SCYGR6: variants seen among roughly 807,000 people sequenced by gnomAD.
SCYGR6 encodes the protein small cysteine and glycine repeat-containing protein 6.
rs556163946 is a variant in SCYGR6, at chr2:227,724,570, G to A, written c.188C>T (p.Thr63Met). The A allele has an allele frequency of 2.5e-3, 1,003 of 398,996 alleles. 5 individuals are homozygous for A. The highest frequency in any genetic ancestry group is 3.9e-3 in the Non-Finnish European group (877 of 226,428). 24.7% of individuals were successfully genotyped at this position (398,996 alleles called of 1,614,324 possible). Residue 63 changes from threonine (T) to methionine (M), a missense_variant, in exon 1 of 1, where the codon ACG (threonine) becomes ATG (methionine). Physicochemically the swap from Thr to Met is moderately conservative, Grantham distance 81. Transcript: ENST00000641918. ...GCGGCGGCAGCAACAGATCACGGGC[G>A]TGCTGCAGCAGCCTCCACAGCAGCC...
chr2:227,724,466 AGCCCTTCTGCTGACAG>A lies in SCYGR6; in HGVS notation c.276_291del (p.Cys93AlafsTer?), dbSNP rs1696522682. 2.0e-5 allele frequency: 7 copies of A among 356,480 alleles called. No homozygotes were observed. Among genetic ancestry groups the A allele is most frequent in the Non-Finnish European group, 2.8e-5 (6 of 212,112 alleles). The allele number at this position is 356,480 out of a possible 1,614,324, so 22.1% of individuals were successfully genotyped here. On this transcript the variant is annotated frameshift_variant, in exon 1 of 1. Coordinates refer to ENST00000641918, the Ensembl canonical transcript of SCYGR6. LOFTEE classifies it high-confidence loss of function. Reference sequence around the variant, plus strand: ...TAGCAGCAGCATTGCTTCTTGCAGCAGCCCTTCTGCTGACAGCAGCCCTTCTGCTGGCAACAGCCCT... The same window carrying A: ...TAGCAGCAGCATTGCTTCTTGCAGCACAGCCCTTCTGCTGGCAACAGCCCT...
rs1372501947 is a variant in SCYGR6, at chr2:227,724,686, A to ACAGCCACCACTG, written c.60_71dup (p.Ser21_Cys24dup). 1.2e-4 allele frequency: 49 copies of ACAGCCACCACTG among 409,374 alleles called. No individual in the cohort carries two copies. The East Asian group carries it at 1.6e-3, about 13-fold the overall frequency. The allele number at this position is 409,374 out of a possible 1,614,324, so 25.4% of individuals were successfully genotyped here. On this transcript the variant is annotated inframe_insertion, in exon 1 of 1. Transcript: ENST00000641918. ...CACAGCCACCACCGCAGCCACCACC[A>ACAGCCACCACTG]CAGCCACCACTGCAGCCACCACCGC...
rs1217455001 is a variant in SCYGR6, at chr2:227,724,482, GCAGCCCTTCTGCTGGCAA to G, written c.258_275del (p.Gln94_Cys99del). 2.6e-3 allele frequency: 1,028 copies of G among 392,816 alleles called. 3 individuals carry two copies. The highest frequency in any genetic ancestry group is 0.013 in the African/African-American group (603 of 44,724). 24.3% of individuals were successfully genotyped at this position (392,816 alleles called of 1,614,324 possible). On this transcript the variant is annotated inframe_deletion, in exon 1 of 1. Transcript: ENST00000641918. ...TCTTGCAGCAGCCCTTCTGCTGACA[GCAGCCCTTCTGCTGGCAA>G]CAGCCCTTCCCACAGCCACAGCCGC...
chr2:227,724,713 G>GCCACCGCAGCCA (rs1048825252), exon 1 of SCYGR6: 15 of 410,308 alleles, frequency 3.7e-5, no homozygotes, highest in Non-Finnish European at 4.7e-5. Context: ...CACCACCGCA[G>GCCACCGCAGCCA]CCACCGCAGC....
chr2:227,724,569 C>T (rs867536975), exon 1 of SCYGR6: 139 of 398,560 alleles, frequency 3.5e-4, no homozygotes, highest in African/African-American at 2.2e-3. Flanking sequence ...AGATCACGGG[C>T]GTGCTGCAGC....
chr2:227,724,513 C>T, exon 1 of SCYGR6: 1 of 395,962 alleles, frequency 2.5e-6, no homozygotes, highest in Non-Finnish European at 4.4e-6. Flanking sequence ...GCCCTTCCCA[C>T]AGCCACAGCC....
At chr2:227,724,558 C>T (rs935761795) in exon 1 of SCYGR6, 3 of 398,742 alleles carry the variant, frequency 7.5e-6, no homozygotes, top group African/African-American at 4.1e-5. Context: ...GCGGCAGCAA[C>T]AGATCACGGG....
rs1696530821 is a variant in SCYGR6, at chr2:227,724,695, A to AC, written c.62dup (p.Ser21ArgfsTer?). On this transcript the variant is annotated frameshift_variant, in exon 1 of 1. Coordinates refer to ENST00000641918, the Ensembl canonical transcript of SCYGR6. LOFTEE classifies it low-confidence loss of function (END_TRUNC). ...CACCGCAGCCACCACCACAGCCACC[A>AC]CTGCAGCCACCACCGCAGCCACCGC... is the stretch of plus-strand genomic sequence containing the variant. 2 of 411,076 alleles carry AC rather than the reference A, an allele frequency of 4.9e-6. No individual in the cohort carries two copies. Among genetic ancestry groups the AC allele is most frequent in the African/African-American group, 4.1e-5 (2 of 48,548 alleles). 25.5% of individuals were successfully genotyped at this position (411,076 alleles called of 1,614,324 possible).
exon 1 of SCYGR6, chr2:227,724,504 C>A (rs1273402745): frequency 2.0e-5 from 8 of 398,836 alleles, no homozygotes; most frequent in Non-Finnish European, 3.5e-5. Flanking sequence ...CTGGCAACAG[C>A]CCTTCCCACA....
chr2:227,724,577 A>G lies in SCYGR6; in HGVS notation c.181T>C (p.Cys61Arg), dbSNP rs1696527553. The change falls in exon 1 of 1, where the codon TGC becomes CGC. Residue 61 changes from cysteine to arginine, a missense_variant. By Grantham distance (180) the Cys-to-Arg change is radical. Coordinates refer to ENST00000641918, the Ensembl canonical transcript of SCYGR6. ...CAGCAACAGATCACGGGCGTGCTGC[A>G]GCAGCCTCCACAGCAGCCGCGGCAG... is the stretch of plus-strand genomic sequence containing the variant. 7.5e-6 allele frequency: 3 copies of G among 399,108 alleles called. 1 individual carries two copies. The highest frequency in any genetic ancestry group is 1.3e-4 in the South Asian group (1 of 7,936). The allele number at this position is 399,108 out of a possible 1,614,324, so 24.7% of individuals were successfully genotyped here.
chr2:227,724,596 G>A (rs1006055010), exon 1 of SCYGR6: 20 of 399,426 alleles, frequency 5.0e-5, no homozygotes, highest in East Asian at 7.1e-5. Context: ...CACAGCAGCC[G>A]CGGCAGCAGG....
exon 1 of SCYGR6, chr2:227,724,476 C>G (rs2106126401): frequency 2.8e-6 from 1 of 359,306 alleles, no homozygotes; most frequent in South Asian, 1.4e-4. Flanking sequence ...AGCCCTTCTG[C>G]TGACAGCAGC....
At chr2:227,724,503 GCCCTTC>G in exon 1 of SCYGR6, 1 of 398,938 alleles carries the variant, frequency 2.5e-6, no homozygotes, top group Non-Finnish European at 4.4e-6. Context: ...GCTGGCAACA[GCCCTTC>G]CCACAGCCAC....
exon 1 of SCYGR6, chr2:227,724,639 C>T: frequency 7.5e-6 from 3 of 402,340 alleles, no homozygotes; most frequent in Non-Finnish European, 1.3e-5. Flanking sequence ...CACCCGGTAG[C>T]ACCTGCAGGT....
exon 1 of SCYGR6, chr2:227,724,667 C>T (rs559680630): frequency 6.7e-5 from 27 of 404,666 alleles, no homozygotes; most frequent in African/African-American, 2.9e-4. Flanking sequence ...CTGCCACAGC[C>T]ACCACCGCAG....
At chr2:227,724,659 G>GCCACAGCCACCACCGCAGCCACCA (rs1452053580) in exon 1 of SCYGR6, 133 of 402,826 alleles carry the variant, frequency 3.3e-4, no homozygotes, top group East Asian at 8.1e-4. Flanking sequence ...TGGTGCAGCT[G>GCCACAGCCACCACCGCAGCCACCA]CCACAGCCAC....
At chr2:227,724,485 G>T in exon 1 of SCYGR6, 1 of 396,546 alleles carries the variant, frequency 2.5e-6, no homozygotes, top group Non-Finnish European at 4.4e-6. Flanking sequence ...GCTGACAGCA[G>T]CCCTTCTGCT....
At chr2:227,724,461 GCAGCAGCCCTTCTGCTGA>G (rs58225386) in exon 1 of SCYGR6, 15,065 of 398,654 alleles carry the variant, frequency 0.038, 1,009 homozygotes, top group African/African-American at 0.19. Flanking sequence ...ATTGCTTCTT[GCAGCAGCCCTTCTGCTGA>G]CAGCAGCCCT....
chr2:227,724,517 C>T (rs1273416278), exon 1 of SCYGR6: 1 of 396,384 alleles, frequency 2.5e-6, no homozygotes, highest in Non-Finnish European at 4.4e-6. Flanking sequence ...TTCCCACAGC[C>T]ACAGCCGCAG....
Sources: allele counts gnomAD v4.1 joint callset, GRCh38; gene constraint gnomAD v4.1.1; transcripts MANE v1.5; gene names NCBI Gene and HGNC (gene_info 2026-07-23, HGNC 2026-07-21).